NDUFS2: variants seen among roughly 807,000 people sequenced by gnomAD.
The protein encoded by NDUFS2 is NADH dehydrogenase [ubiquinone] iron-sulfur protein 2, mitochondrial.
Under a neutral mutation model 69.6 loss-of-function variants are expected in NDUFS2, and 38 were observed. The ratio of observed to expected loss-of-function variants is 0.55; its 90% CI spans 0.42 to 0.72. The LOEUF is 0.72. Among genes scored for constraint, NDUFS2 ranks in the 30% least tolerant of loss-of-function variants. NDUFS2 has a pLI of 0.00. For missense variants in NDUFS2, 468 were observed against 595.0 expected, an observed-to-expected ratio of 0.79 and a Z score of 2.22; for synonymous variants, 194 against 211.2, an observed-to-expected ratio of 0.92 and a Z score of 0.70.
At chr1:161,198,787 G>T, upstream of NDUFS2, 1 of 660,306 alleles carries the variant, frequency 1.5e-6, no homozygotes, top group Non-Finnish European at 2.4e-6. This position sits in a 1 kb window ranked among gnomAD's most constrained non-coding sequence, Gnocchi z 4.7. Flanking sequence ...AAAGGAAATG[G>T]AGAAAACTTA....
intron 10 of NDUFS2, 193 bp from the exon 11 acceptor site, chr1:161,213,187 G>C: frequency 1.8e-6 from 1 of 546,352 alleles, no homozygotes; most frequent in Non-Finnish European, 3.4e-6. Flanking sequence ...ACAAGCGTGA[G>C]TCACCGCACC....
At position 161,209,942 on chromosome 1, in the gene NDUFS2, C is replaced by G; in HGVS notation, c.702+11C>G. On this transcript the variant is annotated intron_variant, in intron 6 of 13. Coordinates refer to ENST00000676972, the MANE Select transcript of NDUFS2 (RefSeq NM_001377299.1). ...GGAGGAGTGCACCAGGTGAGCAGGT[C>G]CCCGGCTTCCCCAAATGTCCAGCCC... is the stretch of plus-strand genomic sequence containing the variant. 6.2e-7 allele frequency: 1 copy of G among 1,613,588 alleles called. No individual in the cohort carries two copies. The highest frequency in any genetic ancestry group is 2.2e-5 in the East Asian group (1 of 44,874).
Position 161,213,160 on chromosome 1 carries a change from C to T in NDUFS2, c.1117-220C>T. ...CCTCTTGATCTGCCCACCTCAGCCT[C>T]CCAAAGTGCTGGAATTACAAGCGTG... On this transcript the variant is annotated intron_variant, in intron 10 of 13. Transcript: ENST00000676972. The T allele has an allele frequency of 4.2e-6, 2 of 473,764 alleles. 1 individual carries two copies. Among genetic ancestry groups the T allele is most frequent in the South Asian group, 3.9e-5 (2 of 51,856 alleles). 29.3% of individuals were successfully genotyped at this position (473,764 alleles called of 1,614,324 possible).
chr1:161,203,838 G>A (rs1301399279), intron 2 of NDUFS2: 2 of 412,144 alleles, frequency 4.9e-6, no homozygotes, highest in Non-Finnish European at 9.2e-6. Flanking sequence ...CTGGCCTCAG[G>A]TAATCCTCCC....
At chr1:161,209,783 A>G in intron 5 of NDUFS2, 74 bp from the exon 6 acceptor site, 1 of 1,525,164 alleles carries the variant, frequency 6.6e-7, no homozygotes, top group Non-Finnish European at 9.0e-7. Flanking sequence ...AGAAGGCAGA[A>G]AGTGGGGGAG....
chr1:161,210,818 C>T, intron 9 of NDUFS2, 108 bp downstream of exon 9: 1 of 1,529,190 alleles, frequency 6.5e-7, no homozygotes, highest in Non-Finnish European at 9.0e-7. Context: ...TGTGGGAGCT[C>T]TTGTGTGTGT....
intron 4 of NDUFS2, 26 bp from the exon 5 acceptor site, chr1:161,209,456 TA>T: frequency 6.2e-7 from 1 of 1,612,068 alleles, no homozygotes; most frequent in South Asian, 1.1e-5. Context: ...TTGGCTCCTA[TA>T]TCCTGTCTTC....
chr1:161,206,793 C>T (rs1251145928), intron 3 of NDUFS2, among the ~76,000 whole-genome samples, 196 bp downstream of exon 3: 2 of 152,156 alleles, frequency 1.3e-5, no homozygotes, highest in Non-Finnish European at 2.9e-5. Context: ...TATTTAGCAG[C>T]AGTGCTTTGA....
Position 161,203,423 on chromosome 1 carries a change from C to T in NDUFS2, c.96-14C>T. 1 of 1,611,950 alleles carries T rather than the reference C, an allele frequency of 6.2e-7. No individual in the cohort carries two copies. The highest frequency in any genetic ancestry group is 8.5e-7 in the Non-Finnish European group (1 of 1,178,028). ...TTCAGGCCCTTTGTCTAGGATCTGT[C>T]TTTGACTCCCCAGAGGTGTTCGGCA... is the stretch of plus-strand genomic sequence containing the variant. On this transcript the variant is annotated splice_polypyrimidine_tract_variant and intron_variant, in intron 1 of 13. Coordinates refer to ENST00000676972, the MANE Select transcript of NDUFS2 (RefSeq NM_001377299.1).
upstream of NDUFS2, chr1:161,198,225 C>T: frequency 6.2e-7 from 1 of 1,614,144 alleles, no homozygotes; most frequent in Non-Finnish European, 8.5e-7. The surrounding 1 kb of genome is among the most constrained non-coding windows in gnomAD (Gnocchi z 4.7). Flanking sequence ...GACTCCGGAT[C>T]TCCATTGATG....
At chr1:161,207,771 T>G (rs1037102785) in intron 3 of NDUFS2, among the ~76,000 whole-genome samples, 1 of 151,628 alleles carries the variant, frequency 6.6e-6, no homozygotes, top group Non-Finnish European at 1.5e-5. Context: ...CCAGATACTC[T>G]TAAGACTGAT....
chr1:161,209,328 C>CTT lies in NDUFS2; in HGVS notation c.514+19_514+20dup, dbSNP rs749307019. 6.2e-7 allele frequency: 1 copy of CTT among 1,614,168 alleles called. No individual in the cohort carries two copies. The highest frequency in any genetic ancestry group is 1.1e-5 in the South Asian group (1 of 91,086). ...GTGGATCCGAGGTATGTCCCCCCAA[C>CTT]TTTTTCTGTGGCCCACTGTGAGCAT... On this transcript the variant is annotated intron_variant, in intron 4 of 13. Coordinates refer to ENST00000676972, the MANE Select transcript of NDUFS2 (RefSeq NM_001377299.1).
At chr1:161,204,142 A>G (rs977164514) in intron 2 of NDUFS2, among the ~76,000 whole-genome samples, 2 of 152,250 alleles carry the variant, frequency 1.3e-5, no homozygotes, top group Non-Finnish European at 2.9e-5. Context: ...AATATATTTC[A>G]GGTTCACTAC....
chr1:161,203,312 A>C (rs567006568), intron 1 of NDUFS2, 125 bp from the exon 2 acceptor site: 1 of 828,120 alleles, frequency 1.2e-6, no homozygotes, highest in East Asian at 2.6e-5. Flanking sequence ...GTCTCAAAAA[A>C]AACAAAAAAC....
chr1:161,212,914 TA>T (rs1435799572), intron 10 of NDUFS2, among the ~76,000 whole-genome samples: 4 of 152,080 alleles, frequency 2.6e-5, no homozygotes, highest in East Asian at 1.9e-4. Flanking sequence ...TTTATTTTTT[TA>T]TTTTTTTTGA....
At chr1:161,203,119 C>G (rs191089750) in intron 1 of NDUFS2, among the ~76,000 whole-genome samples, 19 of 152,118 alleles carry the variant, frequency 1.2e-4, no homozygotes, top group Admixed American at 1.0e-3. Context: ...CCATCCTGAC[C>G]AAAATGGAGA....
intron 1 of NDUFS2, 147 bp downstream of exon 1, chr1:161,202,627 C>T: frequency 1.1e-6 from 1 of 883,162 alleles, no homozygotes; most frequent in Non-Finnish European, 1.8e-6. Context: ...TGCAGTGGCG[C>T]CCACTCTGGC....
At chr1:161,207,831 CCTACGGAGT>C (rs1211436672) in intron 3 of NDUFS2, among the ~76,000 whole-genome samples, 1 of 151,246 alleles carries the variant, frequency 6.6e-6, no homozygotes, top group Non-Finnish European at 1.5e-5. Flanking sequence ...TGTTTTTTTC[CCTACGGAGT>C]CTCGCTCTGT....
upstream of NDUFS2, chr1:161,198,510 G>T: frequency 6.4e-7 from 1 of 1,566,360 alleles, no homozygotes; most frequent in East Asian, 2.4e-5. This position sits in a 1 kb window ranked among gnomAD's most constrained non-coding sequence, Gnocchi z 4.7. Context: ...GCCAGCAGTA[G>T]CAGAAGCAGC....
Sources: gnomAD v4.1 joint callset for allele counts (sites outside exome capture counted in the v4.1 genomes callset) on GRCh38, gnomAD v4.1.1 for gene constraint, Gnocchi (gnomAD v3.1) non-coding constraint, MANE v1.5 for transcripts, NCBI Gene and HGNC (gene_info 2026-07-23, HGNC 2026-07-21) for gene names.